LARP4B: variants seen among roughly 807,000 people sequenced by gnomAD.
LARP4B encodes the protein la-related protein 4B.
LARP4B carries 12 observed loss-of-function variants against 89.8 expected under a neutral mutation model. The ratio of observed to expected loss-of-function variants is 0.13; its 90% CI spans 0.09 to 0.22. The LOEUF (loss-of-function observed/expected upper bound fraction) is 0.22, where lower values mean the gene tolerates loss of function less well. Ranked by LOEUF, LARP4B falls within the 10% of genes least tolerant of loss-of-function variation. The pLI is 1.00. For missense variants in LARP4B, 757 were observed against 947.7 expected (o/e 0.80, Z 2.64); for synonymous variants, 367 against 363.3 (o/e 1.01, Z -0.12).
At chr10:951,751 G>C in the LARP4B span, among the ~76,000 whole-genome samples, 4 of 152,152 alleles carry the variant, frequency 2.6e-5, no homozygotes, top group African/African-American at 9.7e-5. Context: ...AATTGCACCA[G>C]CCCAGAATCA....
At chr10:964,279 C>A in the LARP4B span, among the ~76,000 whole-genome samples, 1 of 152,206 alleles carries the variant, frequency 6.6e-6, no homozygotes, top group African/African-American at 2.4e-5. Context: ...GTTGGCCAGG[C>A]TGGTCTCGAA....
At chr10:965,400 G>A in the LARP4B span, among the ~76,000 whole-genome samples, 8 of 152,048 alleles carry the variant, frequency 5.3e-5, no homozygotes, top group African/African-American at 9.7e-5. Context: ...ACCTCTGTGC[G>A]GCTCCTGGGT....
intron 3 of LARP4B, chr10:869,985 A>C: frequency 6.2e-6 from 5 of 812,966 alleles, no homozygotes; most frequent in African/African-American, 1.9e-5. Context: ...CCGCAGCACA[A>C]TAGTAAACAC....
chr10:814,487 C>G lies in LARP4B; in HGVS notation c.1929+255G>C. On this transcript the variant is annotated intron_variant, in intron 17 of 17. Transcript: ENST00000316157. This position sits in a 1 kb window ranked among gnomAD's most constrained non-coding sequence, Gnocchi z 4.4. The stretch of plus-strand genomic sequence containing the variant: ...AACAGGAGCTGGGGTCTTGTTACTA[C>G]TCAAGAAACCTCTATTGACCAACAC... 1 of 633,262 alleles carries G rather than the reference C, an allele frequency of 1.6e-6. No homozygotes were observed. The highest frequency in any genetic ancestry group is 2.7e-6 in the Non-Finnish European group (1 of 376,582). 39.2% of individuals were successfully genotyped at this position (633,262 alleles called of 1,614,324 possible). A position where few individuals can be genotyped will look rare whatever the true frequency, so the allele number is the denominator to read the frequency against.
chr10:846,557 G>C (rs907656552), intron 5 of LARP4B, among the ~76,000 whole-genome samples: 1 of 152,160 alleles, frequency 6.6e-6, no homozygotes, highest in Non-Finnish European at 1.5e-5. Context: ...CTGAGAAGAG[G>C]GGTGACAGAC....
the LARP4B span, among the ~76,000 whole-genome samples, chr10:962,378 C>G: frequency 2.0e-5 from 3 of 151,904 alleles, no homozygotes; most frequent in Non-Finnish European, 2.9e-5. Flanking sequence ...ACCTTATTAC[C>G]CTCATATAGG....
chr10:939,290 G>A, the LARP4B span, among the ~76,000 whole-genome samples: 1,326 of 152,326 alleles, frequency 8.7e-3, 18 homozygotes, highest in African/African-American at 0.03. Context: ...AGCAGCCAGG[G>A]ATGAAGGAAC....
the LARP4B span, among the ~76,000 whole-genome samples, chr10:961,298 G>A: frequency 6.6e-6 from 1 of 152,248 alleles, no homozygotes; most frequent in African/African-American, 2.4e-5. Flanking sequence ...AAAGAAAGGA[G>A]GTTTATTTGG....
At chr10:980,066 A>C in the LARP4B span, among the ~76,000 whole-genome samples, 1 of 152,236 alleles carries the variant, frequency 6.6e-6, no homozygotes, top group Non-Finnish European at 1.5e-5. Context: ...TACAGGCCCC[A>C]GGCAAACAAA....
intron 1 of LARP4B, among the ~76,000 whole-genome samples, chr10:909,234 C>A (rs977746704): frequency 7.1e-6 from 1 of 140,486 alleles, no homozygotes; most frequent in South Asian, 2.3e-4. Context: ...GTGGAGCTTG[C>A]GGTGAGCCGA....
At position 813,075 on chromosome 10, in the gene LARP4B, C is replaced by G; in HGVS notation, c.2068G>C (p.Ala690Pro). ...GKEEKKLAEP[A>P]ERYREPPALK... Reference sequence around the variant, plus strand: ...GCTGGGGGCTCCCGGTATCTCTCTGCGGGCTCTGCCAGCTTCTTTTCCTCC... The same window carrying G: ...GCTGGGGGCTCCCGGTATCTCTCTGGGGGCTCTGCCAGCTTCTTTTCCTCC... The change falls in exon 18 of 18, where the codon GCA becomes CCA. Residue 690 changes from alanine to proline, a missense_variant. Ala to Pro is a conservative substitution (Grantham distance 27). Around this residue, in one of 5 missense-constraint regions of LARP4B, gnomAD observed 387 missense variants for 423.6 expected, o/e 0.91. Transcript: ENST00000316157. 6.2e-7 allele frequency: 1 copy of G among 1,614,142 alleles called. No homozygotes were observed. Among genetic ancestry groups the G allele is most frequent in the Non-Finnish European group, 8.5e-7 (1 of 1,180,012 alleles).
At chr10:857,110 C>G (rs1834343385) in intron 5 of LARP4B, among the ~76,000 whole-genome samples, 1 of 152,056 alleles carries the variant, frequency 6.6e-6, no homozygotes, top group Admixed American at 6.6e-5. Context: ...AGCTGGCTCT[C>G]AAGAAAGTTA....
intron 15 of LARP4B, among the ~76,000 whole-genome samples, chr10:816,969 G>C (rs768089330): frequency 2.0e-5 from 3 of 152,222 alleles, no homozygotes; most frequent in Admixed American, 2.0e-4. Context: ...GCGTGGAACA[G>C]ACACGTGGTA....
chr10:883,654 C>T (rs530947541), intron 3 of LARP4B, among the ~76,000 whole-genome samples: 3 of 150,986 alleles, frequency 2.0e-5, no homozygotes, highest in Admixed American at 1.3e-4. Flanking sequence ...TACAAGCTGG[C>T]CAGGCATGGT....
In LARP4B at chr10:844,592, G is replaced by C. The variant is rs529075513; in HGVS notation, c.509+385C>G. Among the ~76,000 whole-genome samples, 63 of 152,144 alleles carry C rather than the reference G, an allele frequency of 4.1e-4. No individual in the cohort carries two copies. The South Asian group carries it at 0.013, about 31-fold the overall frequency. ...TTTACTAAGAAAAGGGTATTATTCA[G>C]GGGAAAGAAAAATGATTAAAAATGA... On this transcript the variant is annotated intron_variant, in intron 6 of 17. Coordinates refer to ENST00000316157, the MANE Select transcript of LARP4B (RefSeq NM_015155.3).
intron 1 of LARP4B, among the ~76,000 whole-genome samples, chr10:902,380 A>C (rs1419774754): frequency 6.6e-6 from 1 of 152,194 alleles, no homozygotes; most frequent in East Asian, 1.9e-4. Flanking sequence ...CCCGTGCTAC[A>C]CCTTTCCCAG....
At position 825,214 on chromosome 10, in the gene LARP4B, T is replaced by C; in HGVS notation, c.1335A>G (p.Leu445=). The change falls in exon 13 of 18, where the codon TTA becomes TTG. Residue 445 remains leucine, a synonymous_variant. Coordinates refer to ENST00000316157, the MANE Select transcript of LARP4B (RefSeq NM_015155.3). ...TTTGTGGACTCCGGACACCATTAAT[T>C]AATCGATCTGCAGTGAAGTTAAATA... is the stretch of plus-strand genomic sequence containing the variant. ...PSIFNFTADR[L]INGVRSPQTR... is the part of the protein sequence containing the mutation. 1 of 1,614,204 alleles carries C rather than the reference T, an allele frequency of 6.2e-7. No individual in the cohort carries two copies. The highest frequency in any genetic ancestry group is 8.5e-7 in the Non-Finnish European group (1 of 1,180,036).
intron 1 of LARP4B, among the ~76,000 whole-genome samples, chr10:889,958 A>AT (rs1369922233): frequency 6.6e-6 from 1 of 152,224 alleles, no homozygotes; most frequent in Admixed American, 6.5e-5. Flanking sequence ...ATCAGAAGGG[A>AT]TAACTGTAAC....
At chr10:909,541 T>C (rs1836608397) in intron 1 of LARP4B, among the ~76,000 whole-genome samples, 1 of 151,986 alleles carries the variant, frequency 6.6e-6, no homozygotes. Context: ...TCCTGGCACT[T>C]TGGGGGGCCA....
Sources: allele counts gnomAD v4.1 joint callset (sites outside exome capture counted in the v4.1 genomes callset), GRCh38; gene constraint gnomAD v4.1.1; regional missense constraint gnomAD v4.1.1; non-coding constraint Gnocchi (gnomAD v3.1); transcripts MANE v1.5; gene names NCBI Gene and HGNC (gene_info 2026-07-23, HGNC 2026-07-21).